The following COA8 variants were observed in gnomAD, a reference collection of about 807,000 sequenced individuals.
The protein encoded by COA8 is cytochrome c oxidase assembly factor 8.
COA8 carries 20 observed loss-of-function variants against 22.0 expected under a neutral mutation model. That is an observed-to-expected ratio of 0.91 (90% CI 0.64 to 1.32). The LOEUF is 1.32. Among genes scored for constraint, COA8 ranks in the 40% most tolerant of loss-of-function variants. The pLI, the probability that COA8 is intolerant of heterozygous loss-of-function variation, is 0.00. For synonymous variants in COA8, 105 were observed against 79.9 expected, an observed-to-expected ratio of 1.31 and a Z score of -1.68; for missense variants, 266 against 230.0, an observed-to-expected ratio of 1.16 and a Z score of -1.01.
At chr14:103,587,796 T>G (rs2076320521) in intron 4 of COA8, among the ~76,000 whole-genome samples, 1 of 151,740 alleles carries the variant, frequency 6.6e-6, no homozygotes, top group East Asian at 2.0e-4. Flanking sequence ...CATGAGCCAC[T>G]GCGCCTCGTC....
chr14:103,590,179 A>C lies in COA8; in HGVS notation c.477-2A>C. On this transcript the variant is annotated splice_acceptor_variant, in intron 4 of 4. Transcript: ENST00000409074. LOFTEE classifies it high-confidence loss of function. ...ACCTGTGCATCCTCTGTTTCTCTAC[A>C]GAGATTGGTACAAGCGCAATTTTGC... 6.2e-7 allele frequency: 1 copy of C among 1,613,562 alleles called. No individual in the cohort carries two copies. Among genetic ancestry groups the C allele is most frequent in the Non-Finnish European group, 8.5e-7 (1 of 1,179,550 alleles).
chr14:103,590,749 G>C lies in COA8; in HGVS notation c.*463G>C, dbSNP rs573947545. 1 of 153,934 alleles carries C rather than the reference G, an allele frequency of 6.5e-6. No individual in the cohort carries two copies. Among genetic ancestry groups the C allele is most frequent in the Admixed American group, 6.4e-5 (1 of 15,538 alleles). 9.5% of individuals were successfully genotyped at this position (153,934 alleles called of 1,614,324 possible). On this transcript the variant is annotated 3_prime_UTR_variant, in exon 5 of 5. Coordinates refer to ENST00000409074, the MANE Select transcript of COA8 (RefSeq NM_001370595.2). ...GTGGCACGCACCTGTAATCCCAGCT[G>C]CTCTGGAGGCTGAGGCATGCGACGC...
intron 3 of COA8, among the ~76,000 whole-genome samples, chr14:103,578,329 G>T (rs770249217): frequency 6.6e-6 from 1 of 152,200 alleles, no homozygotes; most frequent in South Asian, 2.1e-4. Context: ...GGTGGCCTAC[G>T]CACTTACTGG....
chr14:103,589,113 G>A (rs1161360198), intron 4 of COA8, among the ~76,000 whole-genome samples: 1 of 152,150 alleles, frequency 6.6e-6, no homozygotes, highest in Non-Finnish European at 1.5e-5. Context: ...AGGCCTTAGA[G>A]GAGCCTGGCC....
Position 103,582,223 on chromosome 14 carries a change from A to G in COA8, c.386-5051A>G, listed in dbSNP as rs985872347. Among the ~76,000 whole-genome samples, 27 of 152,158 alleles carry G rather than the reference A, an allele frequency of 1.8e-4. No homozygotes were observed. In the East Asian group the frequency reaches 4.8e-3, roughly 27 times the overall value. ...TGCTAAGTCAGAGTGCGCCTCCTGC[A>G]CCCGCCACCCTGGATGTGGTTCCAT... On this transcript the variant is annotated intron_variant, in intron 3 of 4. Coordinates refer to ENST00000409074, the MANE Select transcript of COA8 (RefSeq NM_001370595.2).
chr14:103,577,084 T>C (rs1448355811), intron 3 of COA8, among the ~76,000 whole-genome samples: 3 of 152,206 alleles, frequency 2.0e-5, no homozygotes, highest in African/African-American at 7.2e-5. Flanking sequence ...ATTTGTTTAT[T>C]TTTTTGAGAT....
chr14:103,584,872 G>A (rs908453232), intron 3 of COA8, among the ~76,000 whole-genome samples: 5 of 152,180 alleles, frequency 3.3e-5, no homozygotes, highest in Non-Finnish European at 7.3e-5. Flanking sequence ...AGGTGCAGTG[G>A]CTCACTCCTG....
rs945968177 is a variant in COA8 at position 103,590,830 on chromosome 14, C to T, written c.*544C>T. 1 of 152,290 alleles carries T rather than the reference C, an allele frequency of 6.6e-6. No homozygotes were observed. The highest frequency in any genetic ancestry group is 1.5e-5 in the Non-Finnish European group (1 of 68,070). 9.4% of individuals were successfully genotyped at this position (152,290 alleles called of 1,614,324 possible). The stretch of plus-strand genomic sequence containing the variant: ...CCAAGATCGCACCACTGCACTCCAG[C>T]CTGGAAGACCAAACGAGACTCTGTA... On this transcript the variant is annotated 3_prime_UTR_variant, in exon 5 of 5. Coordinates refer to ENST00000409074, the MANE Select transcript of COA8 (RefSeq NM_001370595.2).
intron 2 of COA8, 147 bp downstream of exon 2, chr14:103,571,967 A>G: frequency 3.1e-6 from 2 of 649,476 alleles, no homozygotes; most frequent in East Asian, 6.4e-5. Flanking sequence ...CTCTACTAAA[A>G]ATACAAAAAA....
Position 103,590,312 on chromosome 14 carries a change from C to G in COA8, c.*26C>G. Reference sequence around the variant, plus strand: ...GAGTCCACTCTGACCCAGCCAGAGTCCAGGTTTCCACAGGAAGCAGATGGA... The same window carrying G: ...GAGTCCACTCTGACCCAGCCAGAGTGCAGGTTTCCACAGGAAGCAGATGGA... On this transcript the variant is annotated 3_prime_UTR_variant, in exon 5 of 5. Coordinates refer to ENST00000409074, the MANE Select transcript of COA8 (RefSeq NM_001370595.2). 1.3e-6 allele frequency: 2 copies of G among 1,580,628 alleles called. No homozygotes were observed. Among genetic ancestry groups the G allele is most frequent in the South Asian group, 2.2e-5 (2 of 89,902 alleles).
chr14:103,568,658 C>T (rs1186990111), intron 1 of COA8, among the ~76,000 whole-genome samples: 1 of 148,710 alleles, frequency 6.7e-6, no homozygotes, highest in African/African-American at 2.5e-5. Flanking sequence ...GTGACAGGGT[C>T]TCACTCTGTC....
chr14:103,585,577 CT>C (rs143878801), intron 3 of COA8, among the ~76,000 whole-genome samples: 558 of 128,540 alleles, frequency 4.3e-3, no homozygotes, highest in African/African-American at 0.012. Context: ...GGTTTTTTCT[CT>C]TTTTTTTTTT....
At position 103,585,577 on chromosome 14, in the gene COA8, C is replaced by CTT. The variant is rs143878801; in HGVS notation, c.386-1681_386-1680dup. Among the ~76,000 whole-genome samples, 748 of 128,552 alleles carry CTT rather than the reference C, an allele frequency of 5.8e-3. 17 individuals carry two copies. The highest frequency in any genetic ancestry group is 0.022 in the East Asian group (95 of 4,276). 84.3% of individuals were successfully genotyped at this position (128,552 alleles called of 152,430 possible). Reference sequence around the variant, plus strand: ...TTCTCCCGTTCTATAGGTTTTTTCTCTTTTTTTTTTTTTTTTTGAAACAGA... The same window carrying CTT: ...TTCTCCCGTTCTATAGGTTTTTTCTCTTTTTTTTTTTTTTTTTTTGAAACAGA... On this transcript the variant is annotated intron_variant, in intron 3 of 4. Coordinates refer to ENST00000409074, the MANE Select transcript of COA8 (RefSeq NM_001370595.2).
At chr14:103,573,087 T>A (rs1434076375) in intron 2 of COA8, among the ~76,000 whole-genome samples, 1 of 151,934 alleles carries the variant, frequency 6.6e-6, no homozygotes, top group Non-Finnish European at 1.5e-5. Flanking sequence ...AGCAGAGAAT[T>A]CAAAATTCTT....
chr14:103,588,186 G>A (rs2076324915), intron 4 of COA8: 1 of 366,982 alleles, frequency 2.7e-6, no homozygotes, highest in Non-Finnish European at 4.8e-6. Context: ...ATTTACAGGT[G>A]AAATTAATAG....
At chr14:103,576,018 A>G (rs1261341603) in intron 3 of COA8, among the ~76,000 whole-genome samples, 1 of 151,764 alleles carries the variant, frequency 6.6e-6, no homozygotes, top group Non-Finnish European at 1.5e-5. Context: ...GTTAATTATT[A>G]AAAGTCAGGC....
At chr14:103,582,773 G>A (rs980067913) in intron 3 of COA8, among the ~76,000 whole-genome samples, 5 of 115,012 alleles carry the variant, frequency 4.3e-5, no homozygotes, top group Admixed American at 3.4e-4. Flanking sequence ...TCTCCTTGTC[G>A]TGCCCTGCCT....
At position 103,564,704 on chromosome 14, in the gene COA8, C is replaced by T. The variant is rs531594551; in HGVS notation, c.123+1580C>T. On this transcript the variant is annotated intron_variant, in intron 1 of 4. Transcript: ENST00000409074. ...AAGCGATTCTCGTGCCTCAGCCTTC[C>T]GAGTAGCTGGGACTACAGGGGCCCA... 1.9e-3 allele frequency among the ~76,000 whole-genome samples: 290 copies of T among 150,916 alleles called. 1 individual carries two copies. The highest frequency in any genetic ancestry group is 3.1e-3 in the Admixed American group (46 of 15,062).
chr14:103,572,990 C>T (rs1451640436), intron 2 of COA8, among the ~76,000 whole-genome samples: 1 of 151,764 alleles, frequency 6.6e-6, no homozygotes, highest in Non-Finnish European at 1.5e-5. Flanking sequence ...ACTCTGTTGG[C>T]CAGGATGGTC....
Sources: allele counts gnomAD v4.1 joint callset (sites outside exome capture counted in the v4.1 genomes callset), GRCh38; gene constraint gnomAD v4.1.1; transcripts MANE v1.5; gene names NCBI Gene and HGNC (gene_info 2026-07-23, HGNC 2026-07-21).